Variants in ZNF507 observed in about 807,000 individuals in gnomAD.
ZNF507 encodes zinc finger protein 507.
ZNF507 carries 29 observed loss-of-function variants against 80.0 expected under a neutral mutation model. That is an observed-to-expected ratio of 0.36 (90% CI 0.27 to 0.49). The LOEUF (loss-of-function observed/expected upper bound fraction) is 0.49, where lower values mean the gene tolerates loss of function less well. ZNF507 is among the 20% of genes least tolerant of loss of function. The pLI is 0.98. For missense variants in ZNF507, 1,081 were observed against 1,152.2 expected (o/e 0.94, Z 0.90); for synonymous variants, 462 against 422.5 (o/e 1.09, Z -1.15).
intron 2 of ZNF507, among the ~76,000 whole-genome samples, chr19:32,352,006 T>C (rs559730010): frequency 6.6e-6 from 1 of 152,058 alleles, no homozygotes; most frequent in East Asian, 1.9e-4. Context: ...TCTGTTCATA[T>C]CTGGAACTGA....
chr19:32,352,384 A>G (rs1720780530), intron 2 of ZNF507, among the ~76,000 whole-genome samples: 1 of 152,072 alleles, frequency 6.6e-6, no homozygotes, highest in Non-Finnish European at 1.5e-5. Flanking sequence ...TGTATCAGTC[A>G]TTGGCTTTAC....
intron 5 of ZNF507, among the ~76,000 whole-genome samples, chr19:32,369,280 A>T (rs1303488499): frequency 6.6e-6 from 1 of 152,210 alleles, no homozygotes; most frequent in African/African-American, 2.4e-5. Context: ...AGGCCACTCT[A>T]GGAGTCCAGC....
intron 5 of ZNF507, among the ~76,000 whole-genome samples, chr19:32,369,833 A>G (rs943552427): frequency 1.4e-4 from 21 of 152,182 alleles, no homozygotes; most frequent in Non-Finnish European, 1.2e-4. Context: ...TACAGTCCTC[A>G]TGCTGTGTAT....
chr19:32,382,411 T>C (rs976792767), intron 5 of ZNF507, 56 bp from the exon 6 acceptor site: 11 of 1,588,226 alleles, frequency 6.9e-6, no homozygotes, highest in African/African-American at 1.4e-5. Context: ...ATCATGATAA[T>C]TTTTCACTGA....
intron 5 of ZNF507, among the ~76,000 whole-genome samples, chr19:32,377,163 A>G (rs1251204735): frequency 1.3e-5 from 2 of 151,742 alleles, no homozygotes; most frequent in Admixed American, 1.3e-4. Context: ...TCTTCTCTAA[A>G]CTCTCCTGGG....
intron 1 of ZNF507, among the ~76,000 whole-genome samples, chr19:32,346,506 A>G (rs942316981): frequency 1.3e-5 from 2 of 152,186 alleles, no homozygotes; most frequent in African/African-American, 2.4e-5. Flanking sequence ...TTGAGTTTGC[A>G]CTTTCTCCAG....
At chr19:32,357,115 A>G (rs1245380438) in intron 4 of ZNF507, 1 of 158,294 alleles carries the variant, frequency 6.3e-6, no homozygotes, top group African/African-American at 2.4e-5. Flanking sequence ...GTAGGCCCCC[A>G]CCCCAAACTT....
chr19:32,364,617 A>G (rs1018685133), intron 5 of ZNF507, among the ~76,000 whole-genome samples: 1 of 152,332 alleles, frequency 6.6e-6, no homozygotes, highest in African/African-American at 2.4e-5. Flanking sequence ...TACTTCACTT[A>G]GAATAATAGT....
chr19:32,365,195 T>C (rs1967381864), intron 5 of ZNF507, among the ~76,000 whole-genome samples: 1 of 152,190 alleles, frequency 6.6e-6, no homozygotes, highest in African/African-American at 2.4e-5. Flanking sequence ...GATTGATTGT[T>C]TTTTTCCTAC....
chr19:32,348,356 G>A (rs564948528), intron 2 of ZNF507, among the ~76,000 whole-genome samples: 42 of 151,952 alleles, frequency 2.8e-4, no homozygotes, highest in Middle Eastern at 3.4e-3. Context: ...TGAAAGAGAA[G>A]GTTCTTTTGT....
chr19:32,380,334 C>A (rs112297521), intron 5 of ZNF507, among the ~76,000 whole-genome samples: 1,956 of 151,700 alleles, frequency 0.013, 51 homozygotes, highest in African/African-American at 0.043. Flanking sequence ...CAAGCCTGGG[C>A]AACAGAGCAA....
chr19:32,371,636 TATTATTA>T (rs1191920051), intron 5 of ZNF507, among the ~76,000 whole-genome samples: 6 of 94,326 alleles, frequency 6.4e-5, no homozygotes, highest in East Asian at 3.4e-4. Context: ...TTATTATTAT[TATTATTA>T]TTTTTTTTTT....
chr19:32,387,297 T>C lies in ZNF507; in HGVS notation c.*4214T>C, dbSNP rs897717217. The C allele has an allele frequency of 2.6e-5, 4 of 152,232 alleles. No individual in the cohort carries two copies. The highest frequency in any genetic ancestry group is 4.8e-5 in the African/African-American group (2 of 41,460). 9.4% of individuals were successfully genotyped at this position (152,232 alleles called of 1,614,324 possible). A position where few individuals can be genotyped will look rare whatever the true frequency, so the allele number is the denominator to read the frequency against. On this transcript the variant is annotated 3_prime_UTR_variant, in exon 7 of 7. Transcript: ENST00000355898. Reference sequence around the variant, plus strand: ...GACAGCTATTGACATATTTGTTGCATTGACGAAGCTAACATCATCTGACTG... The same window carrying C: ...GACAGCTATTGACATATTTGTTGCACTGACGAAGCTAACATCATCTGACTG...
Position 32,353,179 on chromosome 19 carries a change from C to T in ZNF507, c.349C>T (p.Gln117Ter). ...AAATTTTACCCCTGACACTCTTGCC[C>T]AGAATGAAGGGAAGGCTATGTCTTA... is the stretch of plus-strand genomic sequence containing the variant. The part of the protein sequence containing the change: ...QTNFTPDTLA[Q>*]NEGKAMSYQC... The change falls in exon 3 of 7, where the codon CAG becomes TAG. Residue 117 changes from glutamine (Q) to a stop codon, truncating the protein, a stop_gained. Coordinates refer to ENST00000355898, the MANE Select transcript of ZNF507 (RefSeq NM_001136156.2). LOFTEE classifies it high-confidence loss of function. The T allele has an allele frequency of 6.2e-7, 1 of 1,614,170 alleles. No homozygotes were observed.
rs1967648329 is a variant in ZNF507 at position 32,383,331 on chromosome 19, T to C, written c.*248T>C. On this transcript the variant is annotated 3_prime_UTR_variant, in exon 7 of 7. Transcript: ENST00000355898. ...AGGAAGTAGAGGTGTAATCCTGTAT[T>C]AACCCTCTGTCACCCCTTCTTAGTG... 2.2e-6 allele frequency: 1 copy of C among 457,722 alleles called. No homozygotes were observed. The allele number at this position is 457,722 out of a possible 1,614,324, so 28.4% of individuals were successfully genotyped here.
At chr19:32,351,419 C>CTGTG (rs5823) in intron 2 of ZNF507, among the ~76,000 whole-genome samples, 6,816 of 52,732 alleles carry the variant, frequency 0.13, 645 homozygotes, top group East Asian at 0.16. Flanking sequence ...AGCTGGTCAG[C>CTGTG]TGTGTGTGTG....
intron 2 of ZNF507, among the ~76,000 whole-genome samples, chr19:32,351,641 T>C (rs1265531363): frequency 6.6e-6 from 1 of 150,496 alleles, no homozygotes; most frequent in Non-Finnish European, 1.5e-5. Flanking sequence ...CCACCTAAAA[T>C]AAGAATTCAG....
At chr19:32,365,746 C>A (rs1481600331) in intron 5 of ZNF507, among the ~76,000 whole-genome samples, 4 of 152,082 alleles carry the variant, frequency 2.6e-5, no homozygotes, top group African/African-American at 9.7e-5. Flanking sequence ...ACCCATTTTC[C>A]CTTAGAAATA....
At chr19:32,361,918 T>C (rs1967334213) in intron 5 of ZNF507, among the ~76,000 whole-genome samples, 1 of 134,842 alleles carries the variant, frequency 7.4e-6, no homozygotes, top group African/African-American at 2.7e-5. Context: ...CTTCCTTCCT[T>C]CCTTCCTTTT....
Sources: allele counts gnomAD v4.1 joint callset (sites outside exome capture counted in the v4.1 genomes callset), GRCh38; gene constraint gnomAD v4.1.1; transcripts MANE v1.5; gene names NCBI Gene and HGNC (gene_info 2026-07-23, HGNC 2026-07-21).